The following RNF169 variants were observed in gnomAD, a reference collection of about 807,000 sequenced individuals.
RNF169 encodes E3 ubiquitin-protein ligase RNF169.
RNF169 carries 24 observed loss-of-function variants against 53.9 expected under a neutral mutation model. That is an observed-to-expected ratio of 0.45 (90% CI 0.32 to 0.63). The LOEUF (loss-of-function observed/expected upper bound fraction) is 0.63. Among genes scored for constraint, RNF169 ranks in the 20% least tolerant of loss-of-function variants. RNF169 has a pLI of 0.04. For missense variants in RNF169, 883 were observed against 906.2 expected, an observed-to-expected ratio of 0.97 and a Z score of 0.33; for synonymous variants, 396 against 363.5, an observed-to-expected ratio of 1.09 and a Z score of -1.02.
At chr11:74,821,040 T>A (rs1295678025) in intron 4 of RNF169, among the ~76,000 whole-genome samples, 1 of 152,226 alleles carries the variant, frequency 6.6e-6, no homozygotes, top group East Asian at 1.9e-4. Flanking sequence ...CTCATTAGAG[T>A]ACAGAGAAGG....
At chr11:74,830,047 CAA>C (rs767949159) in intron 4 of RNF169, among the ~76,000 whole-genome samples, 4 of 152,018 alleles carry the variant, frequency 2.6e-5, no homozygotes, top group African/African-American at 7.3e-5. Flanking sequence ...ACCTGTACAT[CAA>C]AACTTACTGA....
intron 2 of RNF169, among the ~76,000 whole-genome samples, chr11:74,807,427 CCTT>C (rs1440052619): frequency 6.6e-6 from 1 of 152,104 alleles, no homozygotes; most frequent in Non-Finnish European, 1.5e-5. Flanking sequence ...GCTGCTCTGT[CCTT>C]CTACACCTTG....
chr11:74,832,479 A>G (rs1255285892), intron 4 of RNF169: 1 of 152,086 alleles, frequency 6.6e-6, no homozygotes, highest in African/African-American at 2.4e-5. Context: ...ACTGTTTTAC[A>G]CCTGACAAAA....
chr11:74,785,617 T>C (rs1375140958), intron 1 of RNF169, among the ~76,000 whole-genome samples: 1 of 152,102 alleles, frequency 6.6e-6, no homozygotes, highest in Non-Finnish European at 1.5e-5. Context: ...TTTGAGCTTT[T>C]GGGCACGGTG....
At position 74,769,468 on chromosome 11, in the gene RNF169, GATTCCATTA is replaced by G. The variant is rs1439359208; in HGVS notation, c.502+20089_502+20097del. ...AGAGATAGATTCCTTGCTATGCAGA[GATTCCATTA>G]ATAGGTGTGTGCCATAGTGAAACTC... On this transcript the variant is annotated intron_variant, in intron 1 of 5. Coordinates refer to ENST00000299563, the MANE Select transcript of RNF169 (RefSeq NM_001098638.2). Among the ~76,000 whole-genome samples the G allele has an allele frequency of 2.0e-5, 3 of 152,270 alleles. No homozygotes were observed. The East Asian group carries it at 5.8e-4, about 29-fold the overall frequency.
intron 1 of RNF169, among the ~76,000 whole-genome samples, chr11:74,758,408 A>T (rs1170039282): frequency 6.7e-6 from 1 of 148,806 alleles, no homozygotes; most frequent in African/African-American, 2.5e-5. Context: ...GTAGCCTTGT[A>T]GTATAGTTTG....
At chr11:74,834,606 T>G in intron 4 of RNF169, 70 bp from the exon 5 acceptor site, 1 of 1,080,292 alleles carries the variant, frequency 9.3e-7, no homozygotes, top group Non-Finnish European at 1.3e-6. Context: ...CAAAAAGATA[T>G]TGTCATCCTT....
intron 2 of RNF169, among the ~76,000 whole-genome samples, chr11:74,792,839 T>C (rs1565178610): frequency 6.6e-6 from 1 of 152,228 alleles, no homozygotes; most frequent in Admixed American, 6.5e-5. Context: ...GAAGCTAGGA[T>C]AATCTCATTG....
At chr11:74,808,464 TGCC>T (rs1196206111) in intron 2 of RNF169, among the ~76,000 whole-genome samples, 2 of 152,322 alleles carry the variant, frequency 1.3e-5, no homozygotes, top group East Asian at 3.9e-4. Context: ...TCTCCAGACT[TGCC>T]GAATGTTCTG....
chr11:74,827,804 TAAA>T (rs745864798), intron 4 of RNF169, among the ~76,000 whole-genome samples: 19 of 152,082 alleles, frequency 1.2e-4, no homozygotes, highest in Non-Finnish European at 2.4e-4. Context: ...AAACTCTCAA[TAAA>T]CTAGATATTG....
chr11:74,826,684 T>C (rs1038516005), intron 4 of RNF169, among the ~76,000 whole-genome samples: 1 of 152,214 alleles, frequency 6.6e-6, no homozygotes, highest in East Asian at 1.9e-4. Context: ...ATTGGGTAAA[T>C]ACACCGATTT....
chr11:74,835,898 A>G lies in RNF169; in HGVS notation c.1295A>G (p.Lys432Arg). 6.2e-7 allele frequency: 1 copy of G among 1,614,228 alleles called. No homozygotes were observed. The highest frequency in any genetic ancestry group is 2.2e-5 in the East Asian group (1 of 44,886). The change falls in exon 6 of 6, where the codon AAA becomes AGA. Residue 432 changes from lysine (K) to arginine (R), a missense_variant. Physicochemically the swap from Lys to Arg is conservative, Grantham distance 26. Around this residue, in one of 3 missense-constraint regions of RNF169, gnomAD observed 351 missense variants for 337.3 expected, o/e 1.04. Transcript: ENST00000299563. ...TATGAGGCCAGTCCACGGATCCTCAAAAAGTGGGAACAGATCTTTCAGGAG... is the reference window on the plus strand; with the variant it reads ...TATGAGGCCAGTCCACGGATCCTCAGAAAGTGGGAACAGATCTTTCAGGAG... ...TSYEASPRIL[K>R]KWEQIFQERQ...
rs1365756557 is a variant in RNF169, at chr11:74,839,555, A to T, written c.*2825A>T. ...GATTTCACAAAACAAATTCCTCACAAATCATTGAAGCCCAGTTCACCATAC... is the reference window on the plus strand; with the variant it reads ...GATTTCACAAAACAAATTCCTCACATATCATTGAAGCCCAGTTCACCATAC... On this transcript the variant is annotated 3_prime_UTR_variant, in exon 6 of 6. Transcript: ENST00000299563. The T allele has an allele frequency of 1.3e-5, 2 of 152,232 alleles. No homozygotes were observed. Among genetic ancestry groups the T allele is most frequent in the Admixed American group, 6.5e-5 (1 of 15,288 alleles). 9.4% of individuals were successfully genotyped at this position (152,232 alleles called of 1,614,324 possible). A position where few individuals can be genotyped will look rare whatever the true frequency, so the allele number is the denominator to read the frequency against.
intron 1 of RNF169, among the ~76,000 whole-genome samples, chr11:74,766,383 C>A (rs75345172): frequency 2.0e-5 from 3 of 152,112 alleles, no homozygotes; most frequent in Non-Finnish European, 4.4e-5. Context: ...TTAAAAGATA[C>A]AATCAGTTTA....
rs1049245211 is a variant in RNF169, at chr11:74,822,993, G to A, written c.842+5279G>A. On this transcript the variant is annotated intron_variant, in intron 4 of 5. Transcript: ENST00000299563. ...TTTTTTTAGTGAGATTATTGTTTGG[G>A]CACTTTAAATCCTAAGAACATTGTC... Among the ~76,000 whole-genome samples the A allele has an allele frequency of 3.3e-5, 5 of 152,200 alleles. 1 individual carries two copies. The highest frequency in any genetic ancestry group is 2.0e-4 in the Admixed American group (3 of 15,292).
intron 2 of RNF169, among the ~76,000 whole-genome samples, chr11:74,800,265 G>C (rs942152015): frequency 6.6e-6 from 1 of 152,000 alleles, no homozygotes; most frequent in African/African-American, 2.4e-5. Context: ...TATTTTTCCA[G>C]ATTCAAATCA....
At chr11:74,821,657 C>CAAAA (rs1230736435) in intron 4 of RNF169, among the ~76,000 whole-genome samples, 15 of 26,064 alleles carry the variant, frequency 5.8e-4, no homozygotes, top group Non-Finnish European at 6.4e-4. Context: ...GACTCCGTCT[C>CAAAA]AAAAAAAAAA....
chr11:74,818,491 C>T (rs474445), intron 4 of RNF169, among the ~76,000 whole-genome samples: 52,222 of 151,854 alleles, frequency 0.34, 10,989 homozygotes, highest in African/African-American at 0.6. Context: ...CTCCTGAGCT[C>T]AGATGATCCT....
chr11:74,812,177 G>A (rs1376838780), intron 3 of RNF169, among the ~76,000 whole-genome samples: 1 of 152,172 alleles, frequency 6.6e-6, no homozygotes, highest in Non-Finnish European at 1.5e-5. Context: ...ATTCTGATTT[G>A]TTCTTGATAA....
Sources: allele counts gnomAD v4.1 joint callset (sites outside exome capture counted in the v4.1 genomes callset), GRCh38; gene constraint gnomAD v4.1.1; regional missense constraint gnomAD v4.1.1; transcripts MANE v1.5; gene names NCBI Gene and HGNC (gene_info 2026-07-23, HGNC 2026-07-21).